The following RASA1 variants were observed in gnomAD, a reference collection of about 807,000 sequenced individuals.
The protein encoded by RASA1 is ras GTPase-activating protein 1.
RASA1 carries 25 observed loss-of-function variants against 132.2 expected under a neutral mutation model. That is an observed-to-expected ratio of 0.19 (90% CI 0.14 to 0.26). The LOEUF is 0.26. Ranked by LOEUF, RASA1 falls within the 10% of genes least tolerant of loss-of-function variation. The probability of loss-of-function intolerance (pLI) is 1.00; values close to 1 mark genes in which losing one functional copy is unlikely to be tolerated. For synonymous variants in RASA1, 477 were observed against 449.9 expected, an observed-to-expected ratio of 1.06 and a Z score of -0.76; for missense variants, 964 against 1,299.2, an observed-to-expected ratio of 0.74 and a Z score of 3.97.
chr5:87,276,129 T>C (rs1754052533), intron 1 of RASA1, among the ~76,000 whole-genome samples: 1 of 152,078 alleles, frequency 6.6e-6, no homozygotes, highest in African/African-American at 2.4e-5. Flanking sequence ...TACGAGATAA[T>C]AGAATACTAG....
intron 1 of RASA1, among the ~76,000 whole-genome samples, chr5:87,316,598 T>A (rs550253111): frequency 7.7e-4 from 118 of 152,298 alleles, no homozygotes; most frequent in African/African-American, 2.6e-3. Context: ...CCACAGAGAC[T>A]TGAGGATTGA....
chr5:87,383,005 T>C (rs558096216), intron 20 of RASA1, among the ~76,000 whole-genome samples: 158 of 152,100 alleles, frequency 1.0e-3, no homozygotes, highest in Non-Finnish European at 1.7e-3. Context: ...GGCAAGAGAA[T>C]TGTTTGATCC....
At chr5:87,291,382 T>A (rs981755348) in intron 1 of RASA1, among the ~76,000 whole-genome samples, 14 of 151,876 alleles carry the variant, frequency 9.2e-5, no homozygotes, top group Non-Finnish European at 2.1e-4. Flanking sequence ...AAAGAAAAAA[T>A]TAGCCAGATG....
In RASA1 at chr5:87,374,926, TAC is replaced by T; in HGVS notation, c.2011+12_2011+13del. 1 of 1,601,044 alleles carries T rather than the reference TAC, an allele frequency of 6.2e-7. No individual in the cohort carries two copies. Among genetic ancestry groups the T allele is most frequent in the South Asian group, 1.1e-5 (1 of 89,158 alleles). ...AAAGATCCTGATATCTGTAAGTTGA[TAC>T]AGAAACTTTCTAAAATAGAAAAAGC... On this transcript the variant is annotated intron_variant, in intron 15 of 24. Transcript: ENST00000274376.
intron 8 of RASA1, among the ~76,000 whole-genome samples, chr5:87,352,077 AT>A (rs200381412): frequency 0.015 from 2,201 of 151,606 alleles, 34 homozygotes; most frequent in African/African-American, 0.041. Flanking sequence ...ATGGTATTAG[AT>A]TTTTTTATTA....
chr5:87,287,788 G>GCA (rs1754715089), intron 1 of RASA1, among the ~76,000 whole-genome samples: 1 of 52,466 alleles, frequency 1.9e-5, no homozygotes, highest in African/African-American at 7.9e-5. Flanking sequence ...ATATGTACAC[G>GCA]CCATATATAT....
At chr5:87,382,696 C>A (rs1761803127) in intron 20 of RASA1, among the ~76,000 whole-genome samples, 1 of 152,108 alleles carries the variant, frequency 6.6e-6, no homozygotes, top group Admixed American at 6.5e-5. Context: ...CAGATAAAAT[C>A]ATATATGACA....
rs72783709 is a variant in RASA1, at chr5:87,361,123, T to G, written c.1333-1428T>G. On this transcript the variant is annotated intron_variant, in intron 9 of 24. Coordinates refer to ENST00000274376, the MANE Select transcript of RASA1 (RefSeq NM_002890.3). ...TGGCAAAAGTTTTCTGTAAAGGGTT[T>G]TGCAGTTCATTTAGTGTGTCCACTA... Among the ~76,000 whole-genome samples, 1,432 of 152,286 alleles carry G rather than the reference T, an allele frequency of 9.4e-3. 7 individuals carry two copies. The highest frequency in any genetic ancestry group is 0.012 in the Admixed American group (186 of 15,286).
intron 5 of RASA1, among the ~76,000 whole-genome samples, chr5:87,340,062 T>TA (rs1195493599): frequency 6.6e-6 from 1 of 152,190 alleles, no homozygotes; most frequent in African/African-American, 2.4e-5. Context: ...ACTGATGTAT[T>TA]ACCATTGCCT....
chr5:87,341,508 A>T (rs1006077422), intron 6 of RASA1, among the ~76,000 whole-genome samples, 187 bp downstream of exon 6: 1 of 152,144 alleles, frequency 6.6e-6, no homozygotes, highest in Admixed American at 6.5e-5. Context: ...TTTTAAATAA[A>T]AGGTAGCTGA....
chr5:87,383,678 TAAAAAAAA>T, intron 20 of RASA1, 27 bp from the exon 21 acceptor site: 1 of 1,319,680 alleles, frequency 7.6e-7, no homozygotes, highest in South Asian at 1.3e-5. Context: ...AGGTGTTTTC[TAAAAAAAA>T]AAAAAAAAAA....
intron 1 of RASA1, among the ~76,000 whole-genome samples, chr5:87,288,142 C>A (rs964303466): frequency 6.8e-6 from 1 of 145,986 alleles, no homozygotes; most frequent in Non-Finnish European, 1.5e-5. Context: ...TATATATACA[C>A]ACCATATATA....
At chr5:87,269,784 A>G (rs760079629) in intron 1 of RASA1, among the ~76,000 whole-genome samples, 2 of 152,168 alleles carry the variant, frequency 1.3e-5, no homozygotes, top group Non-Finnish European at 2.9e-5. Context: ...TATACAGGAC[A>G]ATGACTTTTT....
At chr5:87,350,578 C>T (rs1210156759) in intron 8 of RASA1, among the ~76,000 whole-genome samples, 1 of 151,390 alleles carries the variant, frequency 6.6e-6, no homozygotes, top group Non-Finnish European at 1.5e-5. Flanking sequence ...GAAATTCTTC[C>T]TACATACTGG....
At position 87,380,611 on chromosome 5, in the gene RASA1, T is replaced by C; in HGVS notation, c.2690+16T>C. On this transcript the variant is annotated intron_variant, in intron 20 of 24. Transcript: ENST00000274376. ...GAGTTGTTAGGTAAGGCTCATCAAT[T>C]GATTTGTTAAATCACATACTAATAG... The C allele has an allele frequency of 5.0e-6, 8 of 1,588,010 alleles. No individual in the cohort carries two copies. Among genetic ancestry groups the C allele is most frequent in the Non-Finnish European group, 6.1e-6 (7 of 1,156,594 alleles).
chr5:87,322,543 C>T lies in RASA1; in HGVS notation c.540-8805C>T, dbSNP rs146092293. 2.6e-4 allele frequency among the ~76,000 whole-genome samples: 39 copies of T among 152,252 alleles called. No individual in the cohort carries two copies. In the South Asian group the frequency reaches 3.7e-3, roughly 15 times the overall value. On this transcript the variant is annotated intron_variant, in intron 1 of 24. Transcript: ENST00000274376. ...GTTTAAAGGAGCCTGGCTCCTCCCC[C>T]CTTCTCTTGCTCTCTCTGGTCATGT...
At chr5:87,347,074 T>C (rs988256521) in intron 7 of RASA1, among the ~76,000 whole-genome samples, 1 of 152,014 alleles carries the variant, frequency 6.6e-6, no homozygotes, top group Non-Finnish European at 1.5e-5. Flanking sequence ...ACTTTTTTCA[T>C]GTTAGATATA....
chr5:87,285,414 C>G (rs1250361975), intron 1 of RASA1, among the ~76,000 whole-genome samples: 1 of 151,836 alleles, frequency 6.6e-6, no homozygotes, highest in African/African-American at 2.4e-5. Flanking sequence ...TATTATCTTC[C>G]TAGTGCACAG....
At chr5:87,365,106 C>T (rs927264773) in intron 11 of RASA1, among the ~76,000 whole-genome samples, 6 of 152,078 alleles carry the variant, frequency 3.9e-5, no homozygotes, top group Admixed American at 3.9e-4. Flanking sequence ...ATAGGTGGCT[C>T]TTGATTCTTG....
Sources: gnomAD v4.1 joint callset for allele counts (sites outside exome capture counted in the v4.1 genomes callset) on GRCh38, gnomAD v4.1.1 for gene constraint, MANE v1.5 for transcripts, NCBI Gene and HGNC (gene_info 2026-07-23, HGNC 2026-07-21) for gene names.